The following FER1L6 variants were observed in gnomAD, a reference collection of about 807,000 sequenced individuals.
FER1L6 encodes fer-1-like protein 6.
FER1L6 carries 177 observed loss-of-function variants against 219.2 expected under a neutral mutation model. The ratio of observed to expected loss-of-function variants is 0.81; its 90% CI spans 0.71 to 0.91. The LOEUF (loss-of-function observed/expected upper bound fraction) is 0.91, where lower values mean the gene tolerates loss of function less well. Among genes scored for constraint, FER1L6 ranks in the 40% least tolerant of loss-of-function variants. The pLI is 0.00. For synonymous variants in FER1L6, 768 were observed against 824.3 expected (o/e 0.93, Z 1.17); for missense variants, 2,153 against 2,259.9 (o/e 0.95, Z 0.96).
chr8:124,070,633 C>G (rs1821030444), intron 30 of FER1L6, 35 bp downstream of exon 30: 4 of 1,532,538 alleles, frequency 2.6e-6, no homozygotes, highest in Non-Finnish European at 2.6e-6. Flanking sequence ...ATTTGGCTCT[C>G]CCTGTCCATA....
chr8:123,872,467 A>G (rs1343628377), intron 1 of FER1L6, among the ~76,000 whole-genome samples: 1 of 152,204 alleles, frequency 6.6e-6, no homozygotes, highest in East Asian at 1.9e-4. Flanking sequence ...GTGGTAGTTA[A>G]ATGTAATGGG....
chr8:123,975,454 A>C (rs1816029840), intron 8 of FER1L6, 148 bp downstream of exon 8: 2 of 690,906 alleles, frequency 2.9e-6, no homozygotes, highest in Non-Finnish European at 4.7e-6. Context: ...TCAGACACCA[A>C]GATGTGTCCT....
intron 1 of FER1L6, among the ~76,000 whole-genome samples, chr8:123,950,779 T>C (rs983291545): frequency 1.3e-5 from 2 of 152,222 alleles, no homozygotes; most frequent in Non-Finnish European, 1.5e-5. Context: ...AAACACAGTA[T>C]GCAAGAATGA....
intron 18 of FER1L6, among the ~76,000 whole-genome samples, chr8:124,032,505 G>T (rs1819014592): frequency 6.6e-6 from 1 of 152,138 alleles, no homozygotes; most frequent in Non-Finnish European, 1.5e-5. Flanking sequence ...AAGGGGGGCA[G>T]ATTGCTTTAG....
rs1482647247 is a variant in FER1L6 at position 124,061,906 on chromosome 8, T to G, written c.3202T>G (p.Trp1068Gly). 3.7e-6 allele frequency: 6 copies of G among 1,614,052 alleles called. No homozygotes were observed. The East Asian group carries it at 1.1e-4, about 30-fold the overall frequency. ...GCCACTGAGCATCTGCGTGGTGGAC[T>G]GGAGAGCTTTTGGGAGGAGTACCCT... is the stretch of plus-strand genomic sequence containing the variant. ...HPPLSICVVDWRAFGRSTLVG... is the reference protein window; with the variant it reads ...HPPLSICVVDGRAFGRSTLVG... Residue 1068 changes from tryptophan (W) to glycine (G), a missense_variant, in exon 25 of 41, where the codon TGG becomes GGG. Coordinates refer to ENST00000522917, the MANE Select transcript of FER1L6 (RefSeq NM_001039112.2).
chr8:123,935,460 A>G (rs529767710), intron 1 of FER1L6, among the ~76,000 whole-genome samples: 1 of 152,366 alleles, frequency 6.6e-6, no homozygotes, highest in Admixed American at 6.5e-5. Flanking sequence ...CAAAAATACG[A>G]ATGAGAATCA....
At chr8:123,962,507 TATG>T (rs1406809478) in intron 2 of FER1L6, among the ~76,000 whole-genome samples, 4 of 152,166 alleles carry the variant, frequency 2.6e-5, no homozygotes, top group Non-Finnish European at 5.9e-5. Context: ...CTGTCAGTCT[TATG>T]ATCTCTATTT....
rs1365023607 is a variant in FER1L6 at position 124,111,509 on chromosome 8, G to C, written c.5290-7335G>C. The stretch of plus-strand genomic sequence containing the variant: ...TTCAGGGCAAGTCTGTAAAGAGAAA[G>C]CAAGTTTATTAAGAAAGTAAAGGAA... On this transcript the variant is annotated intron_variant, in intron 39 of 40. Coordinates refer to ENST00000522917, the MANE Select transcript of FER1L6 (RefSeq NM_001039112.2). The surrounding 1 kb of genome is among the most constrained non-coding windows in gnomAD (Gnocchi z 5.0). Among the ~76,000 whole-genome samples the C allele has an allele frequency of 2.6e-5, 4 of 152,188 alleles. No individual in the cohort carries two copies. In the East Asian group the frequency reaches 7.7e-4, roughly 29 times the overall value.
Position 123,912,381 on chromosome 8 carries a change from C to T in FER1L6, c.-7-43611C>T, listed in dbSNP as rs16899036. ...CCAAAGCTGACATTTGTAACCACCA[C>T]ATACACCTGCACAGCACCTATAAGG... On this transcript the variant is annotated intron_variant, in intron 1 of 40. Transcript: ENST00000522917. Among the ~76,000 whole-genome samples, 1,021 of 152,234 alleles carry T rather than the reference C, an allele frequency of 6.7e-3. 13 individuals carry two copies. The highest frequency in any genetic ancestry group is 0.024 in the African/African-American group (993 of 41,530).
intron 13 of FER1L6, 96 bp downstream of exon 13, chr8:124,003,443 G>C: frequency 1.6e-4 from 38 of 241,828 alleles, no homozygotes; most frequent in East Asian, 3.5e-4. Flanking sequence ...ACTAAAATCA[G>C]AAATGTCCTT....
In FER1L6 at chr8:123,927,713, A is replaced by G. The variant is rs528506951; in HGVS notation, c.-7-28279A>G. On this transcript the variant is annotated intron_variant, in intron 1 of 40. Transcript: ENST00000522917. Reference sequence around the variant, plus strand: ...ATTATCTTACTTTATTGACGTTCACATTATGTAAGACAGAATGCCAAACCC... The same window carrying G: ...ATTATCTTACTTTATTGACGTTCACGTTATGTAAGACAGAATGCCAAACCC... 2.8e-4 allele frequency among the ~76,000 whole-genome samples: 43 copies of G among 152,358 alleles called. No homozygotes were observed. The Middle Eastern group carries it at 0.01, about 36-fold the overall frequency.
intron 1 of FER1L6, among the ~76,000 whole-genome samples, chr8:123,860,087 G>A (rs1286303538): frequency 8.9e-4 from 119 of 134,206 alleles, no homozygotes; most frequent in Admixed American, 1.6e-3. Flanking sequence ...CCACTAACTC[G>A]TCATCTAGCA....
At chr8:123,958,150 A>G (rs1473520511) in intron 2 of FER1L6, among the ~76,000 whole-genome samples, 1 of 152,190 alleles carries the variant, frequency 6.6e-6, no homozygotes, top group African/African-American at 2.4e-5. Flanking sequence ...TTCAAAATAT[A>G]TTAGTAGAAT....
intron 12 of FER1L6, among the ~76,000 whole-genome samples, chr8:123,987,371 A>AT (rs150195116): frequency 0.05 from 7,629 of 151,256 alleles, 453 homozygotes; most frequent in African/African-American, 0.14. Flanking sequence ...AGATTATTGG[A>AT]TTTTTTTTTC....
chr8:123,885,639 T>C (rs1445443686), intron 1 of FER1L6, among the ~76,000 whole-genome samples: 2 of 152,206 alleles, frequency 1.3e-5, no homozygotes, highest in African/African-American at 4.8e-5. Context: ...AGGAAGCTGT[T>C]CAATGTCACA....
intron 37 of FER1L6, 43 bp from the exon 38 acceptor site, chr8:124,101,053 AG>A (rs1822529017): frequency 6.3e-7 from 1 of 1,588,686 alleles, no homozygotes; most frequent in African/African-American, 1.3e-5. Flanking sequence ...TGATGCCTGG[AG>A]AATGTACTCT....
intron 38 of FER1L6, among the ~76,000 whole-genome samples, chr8:124,102,238 G>A (rs1822577488): frequency 6.6e-6 from 1 of 152,040 alleles, no homozygotes; most frequent in South Asian, 2.1e-4. Context: ...TGGTGGAGAG[G>A]AGGAGTCTAT....
chr8:124,060,985 A>G (rs1169798194), intron 24 of FER1L6, among the ~76,000 whole-genome samples: 1 of 152,212 alleles, frequency 6.6e-6, no homozygotes, highest in Non-Finnish European at 1.5e-5. Flanking sequence ...GCATCACCTG[A>G]GAACTTGTTA....
At chr8:123,911,380 C>T (rs1813044387) in intron 1 of FER1L6, among the ~76,000 whole-genome samples, 1 of 152,136 alleles carries the variant, frequency 6.6e-6, no homozygotes, top group African/African-American at 2.4e-5. Context: ...CTAATAACTG[C>T]AGCTACCACT....
Sources: gnomAD v4.1 joint callset for allele counts (sites outside exome capture counted in the v4.1 genomes callset) on GRCh38, gnomAD v4.1.1 for gene constraint, Gnocchi (gnomAD v3.1) non-coding constraint, MANE v1.5 for transcripts, NCBI Gene and HGNC (gene_info 2026-07-23, HGNC 2026-07-21) for gene names.